METTL15: variants seen among roughly 807,000 people sequenced by gnomAD.
METTL15 encodes the protein 12S rRNA N(4)-cytidine methyltransferase METTL15.
In METTL15, 34 loss-of-function variants were observed where a neutral mutation model predicts 38.3. The observed-to-expected ratio is 0.89, with a 90% CI of 0.68 to 1.18. The LOEUF (loss-of-function observed/expected upper bound fraction) is 1.18. METTL15 is among the 50% of genes most tolerant of loss of function. The probability of loss-of-function intolerance (pLI) is 0.00; values close to 1 mark genes in which losing one functional copy is unlikely to be tolerated. For synonymous variants in METTL15, 162 were observed against 170.9 expected, an observed-to-expected ratio of 0.95 and a Z score of 0.41; for missense variants, 438 against 498.4, an observed-to-expected ratio of 0.88 and a Z score of 1.15.
At chr11:28,223,967 A>T (rs1853364141) in intron 4 of METTL15, among the ~76,000 whole-genome samples, 1 of 152,062 alleles carries the variant, frequency 6.6e-6, no homozygotes. Flanking sequence ...AAGTTTAGAG[A>T]ATATAGGTAT....
chr11:28,408,977 A>G (rs12801960), intron 5 of METTL15, among the ~76,000 whole-genome samples: 3,247 of 152,284 alleles, frequency 0.021, 46 homozygotes, highest in Non-Finnish European at 0.03. Context: ...CCTAACAAAC[A>G]TATAGAATTT....
chr11:28,210,382 C>G (rs140192878), intron 3 of METTL15, among the ~76,000 whole-genome samples: 1 of 151,420 alleles, frequency 6.6e-6, no homozygotes, highest in Non-Finnish European at 1.5e-5. Flanking sequence ...TTTTTTTAAC[C>G]GCTGAAGACA....
chr11:28,257,622 G>A (rs1855026050), intron 4 of METTL15, among the ~76,000 whole-genome samples: 1 of 151,944 alleles, frequency 6.6e-6, no homozygotes, highest in African/African-American at 2.4e-5. Context: ...CAAATAGCCT[G>A]TCTTCAAGCT....
intron 6 of METTL15, among the ~76,000 whole-genome samples, chr11:28,482,930 T>G (rs1851407547): frequency 6.6e-6 from 1 of 152,032 alleles, no homozygotes; most frequent in African/African-American, 2.4e-5. Flanking sequence ...TAAGACATCC[T>G]CCTGGACAAT....
intron 6 of METTL15, among the ~76,000 whole-genome samples, chr11:28,439,915 T>G (rs1363330822): frequency 1.3e-5 from 2 of 152,238 alleles, no homozygotes; most frequent in Non-Finnish European, 2.9e-5. Flanking sequence ...ATGTTCTGAC[T>G]TGGCATCAAT....
intron 6 of METTL15, among the ~76,000 whole-genome samples, chr11:28,452,972 C>T (rs902323687): frequency 6.6e-6 from 1 of 152,198 alleles, no homozygotes; most frequent in Non-Finnish European, 1.5e-5. Flanking sequence ...TACTAAATCA[C>T]ATTGTCATAG....
At chr11:28,291,048 T>C (rs1181995196) in intron 5 of METTL15, among the ~76,000 whole-genome samples, 1 of 132,006 alleles carries the variant, frequency 7.6e-6, no homozygotes, top group Admixed American at 7.1e-5. Context: ...AATAATTCTT[T>C]TCTTTTTTTT....
At position 28,113,555 on chromosome 11, in the gene METTL15, C is replaced by T. The variant is rs777223354; in HGVS notation, c.221C>T (p.Pro74Leu). The T allele has an allele frequency of 6.2e-7, 1 of 1,613,060 alleles. No homozygotes were observed. Among genetic ancestry groups the T allele is most frequent in the African/African-American group, 1.3e-5 (1 of 74,804 alleles). The change falls in exon 3 of 7, where the codon CCA (proline) becomes CTA (leucine). Residue 74 changes from proline to leucine, a missense_variant. By Grantham distance (98) the Pro-to-Leu change is moderately conservative. Transcript: ENST00000407364. ...GAAACTATGGCTAAATTACATATTC[C>T]AGTAATGGTGGATGAAGTTGTTCAT... ...DFETMAKLHI[P>L]VMVDEVVHCL... is the part of the protein sequence containing the mutation.
chr11:28,165,433 T>G (rs970505058), intron 3 of METTL15, among the ~76,000 whole-genome samples: 27 of 152,174 alleles, frequency 1.8e-4, no homozygotes, highest in African/African-American at 6.3e-4. Flanking sequence ...ATTAATGATA[T>G]AGAGCTTTTT....
intron 4 of METTL15, among the ~76,000 whole-genome samples, chr11:28,236,963 A>G (rs968555353): frequency 6.6e-6 from 1 of 152,166 alleles, no homozygotes; most frequent in East Asian, 1.9e-4. Flanking sequence ...GTTTCTGCTG[A>G]GAGATCAGCT....
intron 3 of METTL15, among the ~76,000 whole-genome samples, chr11:28,185,982 A>G (rs1465040632): frequency 2.0e-5 from 3 of 150,822 alleles, no homozygotes; most frequent in Non-Finnish European, 4.5e-5. Context: ...TAGTGGAATT[A>G]TGAGTCCTGT....
chr11:28,178,200 T>TA (rs1851147655), intron 3 of METTL15, among the ~76,000 whole-genome samples: 1 of 151,904 alleles, frequency 6.6e-6, no homozygotes, highest in Non-Finnish European at 1.5e-5. Flanking sequence ...CCCATACACA[T>TA]ACACACATTC....
chr11:28,335,858 C>G (rs1435196200), downstream of METTL15, among the ~76,000 whole-genome samples: 1 of 151,944 alleles, frequency 6.6e-6, no homozygotes, highest in Non-Finnish European at 1.5e-5. Context: ...AAACCATAAG[C>G]GAAATAAATT....
intron 3 of METTL15, among the ~76,000 whole-genome samples, chr11:28,172,819 AG>A (rs1850906538): frequency 6.6e-6 from 1 of 152,220 alleles, no homozygotes; most frequent in South Asian, 2.1e-4. Flanking sequence ...TAGCATACAG[AG>A]CTATGAGCAA....
At chr11:28,511,322 T>C (rs531515197) in intron 6 of METTL15, among the ~76,000 whole-genome samples, 2 of 152,338 alleles carry the variant, frequency 1.3e-5, no homozygotes, top group South Asian at 4.2e-4. Flanking sequence ...GTATGTCACA[T>C]GTATTATATA....
At position 28,330,658 on chromosome 11, in the gene METTL15, A is replaced by G. The variant is rs764286508; in HGVS notation, c.1041A>G (p.Arg347=). Residue 347 remains arginine, a synonymous_variant, in exon 7 of 7, where the codon AGA becomes AGG. Coordinates refer to ENST00000407364, the MANE Select transcript of METTL15 (RefSeq NM_001113528.2). ...CAGAAAGATTTAACCTAAGTGTTAG[A>G]CAACAAGTGATGAAAACATCTCAAT... is the stretch of plus-strand genomic sequence containing the variant. ...SMTERFNLSV[R]QQVMKTSQLG... The G allele has an allele frequency of 1.9e-4, 288 of 1,551,322 alleles. No homozygotes were observed. Among genetic ancestry groups the G allele is most frequent in the Non-Finnish European group, 7.1e-5 (81 of 1,146,800 alleles).
chr11:28,174,588 G>A (rs542785301), intron 3 of METTL15, among the ~76,000 whole-genome samples: 22 of 152,050 alleles, frequency 1.4e-4, no homozygotes, highest in African/African-American at 5.1e-4. Flanking sequence ...GCTGAGGCGG[G>A]CATATCACGA....
chr11:28,149,223 G>A (rs1849994094), intron 3 of METTL15, among the ~76,000 whole-genome samples: 1 of 150,226 alleles, frequency 6.7e-6, no homozygotes, highest in South Asian at 2.1e-4. Flanking sequence ...CTACTTTGAG[G>A]AACCTATGTA....
intron 3 of METTL15, among the ~76,000 whole-genome samples, chr11:28,182,161 A>G (rs905700534): frequency 6.6e-6 from 1 of 151,742 alleles, no homozygotes; most frequent in African/African-American, 2.4e-5. Context: ...GATATTAGTC[A>G]TTTGTCAGAT....
Sources: gnomAD v4.1 joint callset for allele counts (sites outside exome capture counted in the v4.1 genomes callset) on GRCh38, gnomAD v4.1.1 for gene constraint, MANE v1.5 for transcripts, NCBI Gene and HGNC (gene_info 2026-07-23, HGNC 2026-07-21) for gene names.